TARS1: variants seen among roughly 807,000 people sequenced by gnomAD.
TARS1 encodes threonyl-tRNA synthetase 1, also known as threonine--tRNA ligase 1, cytoplasmic.
TARS1 carries 57 observed loss-of-function variants against 97.7 expected under a neutral mutation model. That is an observed-to-expected ratio of 0.58 (90% CI 0.47 to 0.73). The LOEUF (loss-of-function observed/expected upper bound fraction) is 0.73, where lower values mean the gene tolerates loss of function less well. Ranked by LOEUF, TARS1 falls within the 30% of genes least tolerant of loss-of-function variation. The pLI, the probability that TARS1 is intolerant of heterozygous loss-of-function variation, is 0.00. For synonymous variants in TARS1, 312 were observed against 293.7 expected (o/e 1.06, Z -0.64); for missense variants, 806 against 888.3 (o/e 0.91, Z 1.18).
intron 17 of TARS1, 159 bp from the exon 18 acceptor site, chr5:33,466,712 T>C (rs1233496291): frequency 1.8e-5 from 8 of 436,778 alleles, no homozygotes; most frequent in Non-Finnish European, 2.5e-5. Flanking sequence ...GAGGGGGGAA[T>C]AATGGCAGTG....
At chr5:33,448,318 G>A (rs183904127) in intron 2 of TARS1, among the ~76,000 whole-genome samples, 2 of 152,286 alleles carry the variant, frequency 1.3e-5, no homozygotes, top group East Asian at 3.9e-4. Flanking sequence ...GTAGCAAAAT[G>A]GTAATTGTCG....
rs1238480016 is a variant in TARS1 at position 33,462,285 on chromosome 5, T to C, written c.1835+82T>C. The C allele has an allele frequency of 4.8e-6, 6 of 1,248,352 alleles. No individual in the cohort carries two copies. The African/African-American group carries it at 9.0e-5, about 19-fold the overall frequency. The allele number at this position is 1,248,352 out of a possible 1,614,324, so 77.3% of individuals were successfully genotyped here. On this transcript the variant is annotated intron_variant, in intron 16 of 18. Transcript: ENST00000265112. ...TCTACTTTTCGATTTAATTATCAGA[T>C]GGAAAGGGAGAATGATTCCAATCGG...
chr5:33,459,509 T>G (rs1400977358), intron 10 of TARS1, among the ~76,000 whole-genome samples, 186 bp from the exon 11 acceptor site: 3 of 152,242 alleles, frequency 2.0e-5, no homozygotes, highest in Non-Finnish European at 4.4e-5. Flanking sequence ...ATCACTTTTA[T>G]AAGCCTCCTT....
In TARS1 at chr5:33,455,078, A is replaced by T; in HGVS notation, c.575+12A>T. 1.2e-6 allele frequency: 2 copies of T among 1,613,068 alleles called. No individual in the cohort carries two copies. The highest frequency in any genetic ancestry group is 1.1e-5 in the South Asian group (1 of 91,000). Reference sequence around the variant, plus strand: ...TACCTCGAAGAAGGGTAAGCCATCAACTAGATAAAGAAAACTGAAGTCAAT... The same window carrying T: ...TACCTCGAAGAAGGGTAAGCCATCATCTAGATAAAGAAAACTGAAGTCAAT... On this transcript the variant is annotated intron_variant, in intron 5 of 18. Coordinates refer to ENST00000265112, the MANE Select transcript of TARS1 (RefSeq NM_152295.5).
chr5:33,463,429 C>T (rs905904457), intron 16 of TARS1, among the ~76,000 whole-genome samples: 3 of 152,184 alleles, frequency 2.0e-5, no homozygotes, highest in African/African-American at 7.2e-5. Context: ...TTTGTTACCT[C>T]CTCTCACAGC....
chr5:33,467,139 A>G (rs1742563394), intron 18 of TARS1, among the ~76,000 whole-genome samples, 154 bp downstream of exon 18: 1 of 147,974 alleles, frequency 6.8e-6, no homozygotes, highest in African/African-American at 2.5e-5. Flanking sequence ...TATAATAACT[A>G]TAAAAATAGG....
chr5:33,462,323 A>G (rs1742335050), intron 16 of TARS1, 120 bp downstream of exon 16: 2 of 880,544 alleles, frequency 2.3e-6, no homozygotes, highest in Admixed American at 2.4e-5. Flanking sequence ...GCTTCTAACT[A>G]ACGACAAGTG....
At chr5:33,443,038 T>A (rs1441787163) in intron 1 of TARS1, among the ~76,000 whole-genome samples, 1 of 152,190 alleles carries the variant, frequency 6.6e-6, no homozygotes, top group Admixed American at 6.5e-5. Flanking sequence ...ACAATCCGGT[T>A]CTGTTTCCCA....
chr5:33,441,013 C>G lies in TARS1; in HGVS notation c.-74C>G. 1 of 1,597,360 alleles carries G rather than the reference C, an allele frequency of 6.3e-7. No individual in the cohort carries two copies. The highest frequency in any genetic ancestry group is 8.6e-7 in the Non-Finnish European group (1 of 1,166,500). Reference sequence around the variant, plus strand: ...AGGCCAAGTCCCGGGCGCTAGCCCACCTCCCACCCGCCTCTTGGCTCCTCT... The same window carrying G: ...AGGCCAAGTCCCGGGCGCTAGCCCAGCTCCCACCCGCCTCTTGGCTCCTCT... On this transcript the variant is annotated 5_prime_UTR_variant, in exon 1 of 19. Transcript: ENST00000265112.
intron 2 of TARS1, among the ~76,000 whole-genome samples, chr5:33,448,043 A>G (rs1741506871): frequency 6.6e-6 from 1 of 152,216 alleles, no homozygotes; most frequent in Admixed American, 6.5e-5. Context: ...TACATACTCC[A>G]AGCTGATCAT....
intron 1 of TARS1, chr5:33,441,467 T>A (rs1741095083): frequency 3.7e-6 from 1 of 273,692 alleles, no homozygotes; most frequent in Non-Finnish European, 7.0e-6. Context: ...GGCTTGAGGC[T>A]TCCAAACTTG....
intron 17 of TARS1, among the ~76,000 whole-genome samples, chr5:33,465,348 T>C (rs917623821): frequency 6.6e-6 from 1 of 152,132 alleles, no homozygotes; most frequent in African/African-American, 2.4e-5. Context: ...GCATTCCAGA[T>C]TATGTGGTGG....
Position 33,452,589 on chromosome 5 carries a change from A to G in TARS1, c.330-700A>G. 3 of 614,964 alleles carry G rather than the reference A, an allele frequency of 4.9e-6. No homozygotes were observed. The South Asian group carries it at 6.3e-5, about 13-fold the overall frequency. 38.1% of individuals were successfully genotyped at this position (614,964 alleles called of 1,614,324 possible). On this transcript the variant is annotated intron_variant, in intron 3 of 18. Coordinates refer to ENST00000265112, the MANE Select transcript of TARS1 (RefSeq NM_152295.5). ...TTCGATGTTGTATATTGGGTGTGTA[A>G]TGTTTTTACTCACATTATATGGAAA...
At chr5:33,457,766 C>T (rs1215281470) in intron 9 of TARS1, among the ~76,000 whole-genome samples, 2 of 152,218 alleles carry the variant, frequency 1.3e-5, no homozygotes, top group Non-Finnish European at 2.9e-5. Context: ...CAAAGATTAA[C>T]CTACTTGTTG....
At chr5:33,454,917 A>G (rs1741933950) in intron 4 of TARS1, 28 bp from the exon 5 acceptor site, 1 of 1,611,556 alleles carries the variant, frequency 6.2e-7, no homozygotes, top group African/African-American at 1.3e-5. Context: ...CAAGACTCAG[A>G]CCATGCCATT....
intron 17 of TARS1, 88 bp from the exon 18 acceptor site, chr5:33,466,783 C>T (rs1463202300): frequency 1.2e-6 from 1 of 866,766 alleles, no homozygotes; most frequent in Admixed American, 2.7e-5. Context: ...TCCAAGAAGT[C>T]CTGATCCCTG....
At chr5:33,460,635 A>G (rs1162651869) in intron 11 of TARS1, among the ~76,000 whole-genome samples, 1 of 152,236 alleles carries the variant, frequency 6.6e-6, no homozygotes, top group Non-Finnish European at 1.5e-5. Flanking sequence ...TAGGGGACCA[A>G]CCAAGTTCAT....
rs770631613 is a variant in TARS1, at chr5:33,445,389, T to C, written c.123T>C (p.Asp41=). 5.6e-6 allele frequency: 9 copies of C among 1,613,180 alleles called. No individual in the cohort carries two copies. Among genetic ancestry groups the C allele is most frequent in the Non-Finnish European group, 6.8e-6 (8 of 1,179,458 alleles). Residue 41 remains aspartate, a synonymous_variant, in exon 2 of 19, where the codon GAT becomes GAC. Transcript: ENST00000265112. ...GKKKNKEGSG[D]GGRAELNPWP... is the part of the protein sequence containing the mutation. ...AGAAGAACAAAGAAGGATCTGGAGATGGAGGTCGAGCTGAGGTAAAAGTTA... is the reference window on the plus strand; with the variant it reads ...AGAAGAACAAAGAAGGATCTGGAGACGGAGGTCGAGCTGAGGTAAAAGTTA...
chr5:33,466,894 C>CA lies in TARS1; in HGVS notation c.1935dup (p.Phe646IlefsTer6). 6.3e-7 allele frequency: 1 copy of CA among 1,599,702 alleles called. No homozygotes were observed. The highest frequency in any genetic ancestry group is 8.5e-7 in the Non-Finnish European group (1 of 1,173,446). On this transcript the variant is annotated frameshift_variant, in exon 18 of 19. Transcript: ENST00000265112. LOFTEE classifies it high-confidence loss of function. ...AGGTACGACAACAATTCCACGATGC[C>CA]AAATTCATGGCAGACATTGATCTGG...
Sources: allele counts gnomAD v4.1 joint callset (sites outside exome capture counted in the v4.1 genomes callset), GRCh38; gene constraint gnomAD v4.1.1; transcripts MANE v1.5; gene names NCBI Gene and HGNC (gene_info 2026-07-23, HGNC 2026-07-21).